ITIH5: variants seen among roughly 807,000 people sequenced by gnomAD.
ITIH5 encodes inter-alpha-trypsin inhibitor heavy chain H5.
A neutral mutation model predicts 77.5 loss-of-function variants in ITIH5; 65 were observed. The observed-to-expected ratio is 0.84, with a 90% CI of 0.69 to 1.03. The LOEUF (loss-of-function observed/expected upper bound fraction) is 1.03, where lower values mean the gene tolerates loss of function less well. ITIH5 is among the 50% of genes least tolerant of loss of function. ITIH5 has a pLI of 0.00. For synonymous variants in ITIH5, 525 were observed against 494.3 expected (o/e 1.06, Z -0.82); for missense variants, 1,208 against 1,213.1 (o/e 1.00, Z 0.06).
chr10:7,604,325 A>C (rs766741333), intron 7 of ITIH5, among the ~76,000 whole-genome samples: 10 of 152,124 alleles, frequency 6.6e-5, no homozygotes, highest in Non-Finnish European at 1.5e-4. Flanking sequence ...AGCCAGCTTC[A>C]TCAGGGGTCT....
At chr10:7,632,470 T>A (rs1833728432) in intron 5 of ITIH5, among the ~76,000 whole-genome samples, 1 of 152,152 alleles carries the variant, frequency 6.6e-6, no homozygotes, top group South Asian at 2.1e-4. Flanking sequence ...TCCCTAAAAC[T>A]TTTTTAAAAA....
intron 5 of ITIH5, among the ~76,000 whole-genome samples, chr10:7,623,648 A>T (rs1293729678): frequency 1.3e-5 from 2 of 151,780 alleles, no homozygotes; most frequent in African/African-American, 4.8e-5. Flanking sequence ...CTAAAAATAC[A>T]AAAAAATAGC....
At chr10:7,601,288 C>T (rs1253498686) in intron 7 of ITIH5, among the ~76,000 whole-genome samples, 1 of 151,970 alleles carries the variant, frequency 6.6e-6, no homozygotes, top group African/African-American at 2.4e-5. Context: ...TCTTCTTTAC[C>T]CCAATTCAGA....
chr10:7,593,697 T>C (rs4237375), intron 7 of ITIH5, among the ~76,000 whole-genome samples: 11,658 of 18,568 alleles, frequency 0.63, 2,586 homozygotes, highest in African/African-American at 0.7. Flanking sequence ...GCCCCACTCA[T>C]CCCTGCAGCC....
chr10:7,564,426 C>T (rs1427133316), intron 13 of ITIH5, among the ~76,000 whole-genome samples: 1 of 152,068 alleles, frequency 6.6e-6, no homozygotes, highest in Non-Finnish European at 1.5e-5. Context: ...TGATGGTGGT[C>T]CCATAAGATT....
At chr10:7,604,084 T>C (rs928502400) in intron 7 of ITIH5, among the ~76,000 whole-genome samples, 7 of 152,158 alleles carry the variant, frequency 4.6e-5, no homozygotes, top group Non-Finnish European at 8.8e-5. Flanking sequence ...CAGAAGCCCT[T>C]GATGGGTAGA....
intron 3 of ITIH5, 111 bp from the exon 4 acceptor site, chr10:7,640,966 G>A: frequency 1.3e-6 from 1 of 797,124 alleles, no homozygotes; most frequent in Non-Finnish European, 2.2e-6. Context: ...CCTTTTGGAT[G>A]TGTAGAAAGA....
At chr10:7,663,577 T>C (rs928741711) in intron 1 of ITIH5, among the ~76,000 whole-genome samples, 5 of 152,224 alleles carry the variant, frequency 3.3e-5, no homozygotes, top group Non-Finnish European at 1.5e-5. Flanking sequence ...TAAATAGTCA[T>C]TTTAGCACCT....
intron 11 of ITIH5, among the ~76,000 whole-genome samples, chr10:7,571,107 G>A (rs2130946994): frequency 6.6e-6 from 1 of 152,316 alleles, no homozygotes; most frequent in East Asian, 1.9e-4. Context: ...GCCCTTGAGA[G>A]GATCTGGCTG....
chr10:7,624,871 A>ACACATATATATG (rs1833547701), intron 5 of ITIH5, among the ~76,000 whole-genome samples: 2 of 93,820 alleles, frequency 2.1e-5, no homozygotes, highest in African/African-American at 8.7e-5. Context: ...ATATGTATAT[A>ACACATATATATG]TGTATGTATA....
Position 7,576,764 on chromosome 10 carries a change from A to G in ITIH5, c.1667T>C (p.Val556Ala), listed in dbSNP as rs762976403. ...GCCTCCAGGCCTGGGGCTTCCTGTG[A>G]CATCTTTCCCTGCCTTCTGAGGCCG... ...PVRPQKAGKDVTGSPRPGGDG... is the reference protein window; with the variant it reads ...PVRPQKAGKDATGSPRPGGDG... Residue 556 changes from valine to alanine, a missense_variant, in exon 10 of 14, where the codon GTC (valine) becomes GCC (alanine). Transcript: ENST00000397146. 1 of 1,614,146 alleles carries G rather than the reference A, an allele frequency of 6.2e-7. No individual in the cohort carries two copies. The highest frequency in any genetic ancestry group is 1.7e-5 in the Admixed American group (1 of 60,022).
intron 7 of ITIH5, among the ~76,000 whole-genome samples, chr10:7,595,747 G>A (rs146699770): frequency 0.057 from 8,601 of 152,154 alleles, 253 homozygotes; most frequent in Middle Eastern, 0.17. Flanking sequence ...GGTGGCTCAC[G>A]CCTGTAATCA....
At position 7,629,556 on chromosome 10, in the gene ITIH5, CAT is replaced by C. The variant is rs151047965; in HGVS notation, c.652+7670_652+7671del. Among the ~76,000 whole-genome samples, 514 of 148,062 alleles carry C rather than the reference CAT, an allele frequency of 3.5e-3. 9 individuals are homozygous for C. Among genetic ancestry groups the C allele is most frequent in the African/African-American group, 0.012 (479 of 39,666 alleles). ...GTGTGTCCGTGTTGTGGCATGCATC[CAT>C]GTTATCATATGTATCTGTGTTTTCG... On this transcript the variant is annotated intron_variant, in intron 5 of 13. Transcript: ENST00000397146.
At chr10:7,570,900 G>T (rs1832283746) in intron 11 of ITIH5, among the ~76,000 whole-genome samples, 1 of 152,170 alleles carries the variant, frequency 6.6e-6, no homozygotes, top group Non-Finnish European at 1.5e-5. Context: ...GGGATTTCAG[G>T]CGTGAGCCAC....
intron 7 of ITIH5, among the ~76,000 whole-genome samples, chr10:7,610,504 CAAAGACGAGGGGAGCCAA>C (rs1833223296): frequency 6.6e-6 from 1 of 152,190 alleles, no homozygotes; most frequent in East Asian, 1.9e-4. Flanking sequence ...TCAGGCCCGT[CAAAGACGAGGGGAGCCAA>C]GAACATTGGG....
chr10:7,595,751 G>A (rs988389331), intron 7 of ITIH5, among the ~76,000 whole-genome samples: 1 of 152,188 alleles, frequency 6.6e-6, no homozygotes, highest in Non-Finnish European at 1.5e-5. Context: ...GCTCACGCCT[G>A]TAATCACAGC....
intron 7 of ITIH5, among the ~76,000 whole-genome samples, chr10:7,592,951 T>G (rs1228594111): frequency 6.6e-6 from 1 of 152,080 alleles, no homozygotes. Flanking sequence ...TGCACACTGC[T>G]GGGCCCAGAG....
At chr10:7,657,105 C>T (rs1256156430) in intron 1 of ITIH5, among the ~76,000 whole-genome samples, 1 of 142,700 alleles carries the variant, frequency 7.0e-6, no homozygotes, top group East Asian at 2.0e-4. Context: ...AGTGCAGTGA[C>T]GCCACCTTGG....
intron 11 of ITIH5, chr10:7,570,001 G>T: frequency 6.5e-6 from 3 of 458,032 alleles, no homozygotes; most frequent in Non-Finnish European, 1.2e-5. Context: ...TTTGACTTCA[G>T]GTCTTCTAAA....
Sources: gnomAD v4.1 joint callset for allele counts (sites outside exome capture counted in the v4.1 genomes callset) on GRCh38, gnomAD v4.1.1 for gene constraint, MANE v1.5 for transcripts, NCBI Gene and HGNC (gene_info 2026-07-23, HGNC 2026-07-21) for gene names.